Variants in RASGRP4 observed in about 807,000 individuals in gnomAD.
The protein encoded by RASGRP4 is RAS guanyl releasing protein 4.
A neutral mutation model predicts 84.4 loss-of-function variants in RASGRP4; 52 were observed. The observed-to-expected ratio is 0.62, with a 90% CI of 0.49 to 0.78. The LOEUF is 0.78. Among genes scored for constraint, RASGRP4 ranks in the 30% least tolerant of loss-of-function variants. The pLI, the probability that RASGRP4 is intolerant of heterozygous loss-of-function variation, is 0.00. For synonymous variants in RASGRP4, 356 were observed against 359.1 expected (o/e 0.99, Z 0.10); for missense variants, 760 against 886.9 (o/e 0.86, Z 1.82).
Position 38,412,885 on chromosome 19 carries a change from C to T in RASGRP4, c.1535+46G>A, listed in dbSNP as rs1971325425. On this transcript the variant is annotated intron_variant, in intron 12 of 16. Coordinates refer to ENST00000615439, the MANE Select transcript of RASGRP4 (RefSeq NM_170604.3). The surrounding 1 kb of genome is among the most constrained non-coding windows in gnomAD (Gnocchi z 4.6). ...CTCCAGACCCAGGAGTCCAGGCAACCCCAGTGTCCTCATCTTCGGAGGATC... is the reference window on the plus strand; with the variant it reads ...CTCCAGACCCAGGAGTCCAGGCAACTCCAGTGTCCTCATCTTCGGAGGATC... 1 of 1,613,196 alleles carries T rather than the reference C, an allele frequency of 6.2e-7. No homozygotes were observed. Among genetic ancestry groups the T allele is most frequent in the Non-Finnish European group, 8.5e-7 (1 of 1,179,372 alleles).
At position 38,410,044 on chromosome 19, in the gene RASGRP4, G is replaced by A. The variant is rs374894240; in HGVS notation, c.2018C>T (p.Ser673Phe). 1 of 1,611,782 alleles carries A rather than the reference G, an allele frequency of 6.2e-7. No homozygotes were observed. The highest frequency in any genetic ancestry group is 8.5e-7 in the Non-Finnish European group (1 of 1,178,676). ...AGAGAGGAGACCAAGAGATGTCTAGGAATCCAGCTTGGAGGATGCAGTTGA... is the reference window on the plus strand; with the variant it reads ...AGAGAGGAGACCAAGAGATGTCTAGAAATCCAGCTTGGAGGATGCAGTTGA... ...PPSTASSKLD[S>F] Residue 673 changes from serine to phenylalanine, a missense_variant, in exon 17 of 17, where the codon TCC (serine) becomes TTC (phenylalanine). Coordinates refer to ENST00000615439, the MANE Select transcript of RASGRP4 (RefSeq NM_170604.3).
chr19:38,411,148 C>T lies in RASGRP4; in HGVS notation c.1819G>A (p.Val607Ile). 1 of 1,613,830 alleles carries T rather than the reference C, an allele frequency of 6.2e-7. No homozygotes were observed. The highest frequency in any genetic ancestry group is 8.5e-7 in the Non-Finnish European group (1 of 1,179,858). The change falls in exon 15 of 17, where the codon GTC becomes ATC. Residue 607 changes from valine (V) to isoleucine (I), a missense_variant. Coordinates refer to ENST00000615439, the MANE Select transcript of RASGRP4 (RefSeq NM_170604.3). The stretch of plus-strand genomic sequence containing the variant: ...GCATGGGGAGCTGGTGTGGATGGGA[C>T]AGGAGCTCCGGGGGGTCCTGCATCG... ...KGDAGPPGAP[V>I]PSTPAPHASC... is the part of the protein sequence containing the mutation.
At chr19:38,414,693 A>G (rs1169281922) in intron 9 of RASGRP4, among the ~76,000 whole-genome samples, 155 bp downstream of exon 9, 1 of 152,266 alleles carries the variant, frequency 6.6e-6, no homozygotes, top group African/African-American at 2.4e-5. Flanking sequence ...GACTTGCCCA[A>G]GATCACGCAG....
At chr19:38,415,273 C>T (rs1971452174) in intron 8 of RASGRP4, 150 bp from the exon 9 acceptor site, 2 of 630,842 alleles carry the variant, frequency 3.2e-6, no homozygotes, top group South Asian at 2.6e-5. Flanking sequence ...TCAGCATCTC[C>T]CCCAAACTGC....
At position 38,422,104 on chromosome 19, in the gene RASGRP4, G is replaced by T; in HGVS notation, c.73C>A (p.Arg25Ser). Residue 25 changes from arginine to serine, a missense_variant, in exon 2 of 17, where the codon CGC becomes AGC. By Grantham distance (110) the Arg-to-Ser change is moderately radical. Coordinates refer to ENST00000615439, the MANE Select transcript of RASGRP4 (RefSeq NM_170604.3). ...CATGTCTTGTGGCGGCGCACTTGGC[G>T]GGGCCGGCCTCGCCCTCCTATTTTT... The part of the protein sequence containing the change: ...TGKIGGRGRP[R>S]QVRRHKTCPS... 6.2e-7 allele frequency: 1 copy of T among 1,613,178 alleles called. No homozygotes were observed. Among genetic ancestry groups the T allele is most frequent in the African/African-American group, 1.3e-5 (1 of 75,040 alleles).
Position 38,412,696 on chromosome 19 carries a change from G to A in RASGRP4, c.1656C>T (p.Thr552=). 3 of 1,613,460 alleles carry A rather than the reference G, an allele frequency of 1.9e-6. No homozygotes were observed. Among genetic ancestry groups the A allele is most frequent in the Admixed American group, 1.7e-5 (1 of 59,938 alleles). ...CGAAGCCACTGCAGCTGTCGCAGAA[G>A]GTAGGCTTTCGGAAGGTGACCTCAT... ...TFHEVTFRKP[T]FCDSCSGFLW... The change falls in exon 13 of 17, where the codon ACC becomes ACT. Residue 552 remains threonine, a synonymous_variant. Transcript: ENST00000615439. The surrounding 1 kb of genome is among the most constrained non-coding windows in gnomAD (Gnocchi z 4.6).
Position 38,409,894 on chromosome 19 carries a change from G to C in RASGRP4, c.*146C>G. Reference sequence around the variant, plus strand: ...GAGGAAAGTCACTTCCAGGGAAAAAGATGACGGACGTACCACTAAAGGCAG... The same window carrying C: ...GAGGAAAGTCACTTCCAGGGAAAAACATGACGGACGTACCACTAAAGGCAG... On this transcript the variant is annotated 3_prime_UTR_variant, in exon 17 of 17. Coordinates refer to ENST00000615439, the MANE Select transcript of RASGRP4 (RefSeq NM_170604.3). The C allele has an allele frequency of 1.7e-6, 1 of 587,094 alleles. No homozygotes were observed. Among genetic ancestry groups the C allele is most frequent in the Non-Finnish European group, 3.0e-6 (1 of 328,034 alleles). 36.4% of individuals were successfully genotyped at this position (587,094 alleles called of 1,614,324 possible).
intron 8 of RASGRP4, among the ~76,000 whole-genome samples, chr19:38,415,329 T>G (rs555909766): frequency 9.2e-5 from 14 of 152,154 alleles, no homozygotes; most frequent in African/African-American, 3.4e-4. Flanking sequence ...CAATCCCCCA[T>G]TCTTTGGCTA....
intron 2 of RASGRP4, 44 bp from the exon 3 acceptor site, chr19:38,421,244 G>A (rs1005216349): frequency 3.7e-6 from 5 of 1,347,718 alleles, no homozygotes; most frequent in African/African-American, 2.9e-5. Context: ...TGGCCCTCAA[G>A]CAATGCAGAG....
At chr19:38,415,195 C>G in intron 8 of RASGRP4, 72 bp from the exon 9 acceptor site, 1 of 1,401,020 alleles carries the variant, frequency 7.1e-7, no homozygotes, top group South Asian at 1.4e-5. Flanking sequence ...CCTGTGTGGG[C>G]TCTAGGCCTT....
Position 38,418,471 on chromosome 19 carries a change from A to G in RASGRP4, c.757T>C (p.Trp253Arg). Residue 253 changes from tryptophan to arginine, a missense_variant, in exon 7 of 17, where the codon TGG becomes CGG. Transcript: ENST00000615439. This position sits in a 1 kb window ranked among gnomAD's most constrained non-coding sequence, Gnocchi z 4.6. ...CGGCTCAGCACCATCACCTGCACCC[A>G]GCGGGACACGCTGTTGCTGAGACCT... is the stretch of plus-strand genomic sequence containing the variant. ...SVGLSNSVSR[W>R]VQVMVLSRPG... is the part of the protein sequence containing the mutation. 1.3e-6 allele frequency: 2 copies of G among 1,590,786 alleles called. No individual in the cohort carries two copies. The highest frequency in any genetic ancestry group is 1.9e-4 in the Middle Eastern group (1 of 5,380).
At chr19:38,416,191 C>A (rs1243891167) in intron 8 of RASGRP4, among the ~76,000 whole-genome samples, 2 of 151,388 alleles carry the variant, frequency 1.3e-5, no homozygotes, top group South Asian at 4.2e-4. Context: ...CAGCCAGGCG[C>A]GGAGGCTCAC....
intron 2 of RASGRP4, among the ~76,000 whole-genome samples, 194 bp downstream of exon 2, chr19:38,421,775 T>C (rs544088342): frequency 6.7e-6 from 1 of 148,538 alleles, no homozygotes; most frequent in South Asian, 2.1e-4. Context: ...ACATATATTA[T>C]ATATATATAT....
chr19:38,418,333 G>A lies in RASGRP4; in HGVS notation c.837+58C>T. Reference sequence around the variant, plus strand: ...CCCTGTGGGGTCGAGGGTCTGGAAGGGGAAGGACCAGGTGGCTGCGTGCAG... The same window carrying A: ...CCCTGTGGGGTCGAGGGTCTGGAAGAGGAAGGACCAGGTGGCTGCGTGCAG... On this transcript the variant is annotated intron_variant, in intron 7 of 16. Coordinates refer to ENST00000615439, the MANE Select transcript of RASGRP4 (RefSeq NM_170604.3). This position sits in a 1 kb window ranked among gnomAD's most constrained non-coding sequence, Gnocchi z 4.6. The A allele has an allele frequency of 6.5e-7, 1 of 1,537,724 alleles. No individual in the cohort carries two copies. Among genetic ancestry groups the A allele is most frequent in the Admixed American group, 1.9e-5 (1 of 52,240 alleles).
intron 16 of RASGRP4, 83 bp downstream of exon 16, chr19:38,410,803 G>A (rs1971209243): frequency 2.1e-6 from 2 of 969,280 alleles, no homozygotes; most frequent in African/African-American, 1.6e-5. Context: ...CTTTCTATGG[G>A]TCTCCAAATC....
chr19:38,416,387 C>T (rs1235677436), intron 8 of RASGRP4, among the ~76,000 whole-genome samples: 9 of 143,494 alleles, frequency 6.3e-5, no homozygotes, highest in African/African-American at 2.1e-4. Context: ...TACCTGAATC[C>T]GGGAGGCAGA....
At chr19:38,410,798 T>G (rs913085811) in intron 16 of RASGRP4, 88 bp downstream of exon 16, 48 of 935,520 alleles carry the variant, frequency 5.1e-5, no homozygotes, top group Non-Finnish European at 6.6e-5. Context: ...TTGTACTTTC[T>G]ATGGGTCTCC....
Position 38,409,085 on chromosome 19 carries a change from G to A in RASGRP4, c.*955C>T, listed in dbSNP as rs775998597. 40 of 497,606 alleles carry A rather than the reference G, an allele frequency of 8.0e-5. No individual in the cohort carries two copies. Among genetic ancestry groups the A allele is most frequent in the Non-Finnish European group, 1.2e-4 (36 of 299,478 alleles). 30.8% of individuals were successfully genotyped at this position (497,606 alleles called of 1,614,324 possible). On this transcript the variant is annotated 3_prime_UTR_variant, in exon 17 of 17. Transcript: ENST00000615439. ...CAGAGAATAAATTTAATTTATGACAGCTGTAGGACCTCTCTCTGTGGGGGC... is the reference window on the plus strand; with the variant it reads ...CAGAGAATAAATTTAATTTATGACAACTGTAGGACCTCTCTCTGTGGGGGC...
intron 8 of RASGRP4, among the ~76,000 whole-genome samples, chr19:38,416,243 C>T (rs1293756392): frequency 1.3e-5 from 2 of 151,580 alleles, no homozygotes; most frequent in South Asian, 2.1e-4. Context: ...GTGGGTGGAT[C>T]GCCTTAGGTC....
Sources: allele counts gnomAD v4.1 joint callset (sites outside exome capture counted in the v4.1 genomes callset), GRCh38; gene constraint gnomAD v4.1.1; non-coding constraint Gnocchi (gnomAD v3.1); transcripts MANE v1.5; gene names NCBI Gene and HGNC (gene_info 2026-07-23, HGNC 2026-07-21).